Variants in ZNF827 observed in about 807,000 individuals in gnomAD.
ZNF827 encodes the protein zinc finger protein 827.
A neutral mutation model predicts 102.4 loss-of-function variants in ZNF827; 13 were observed. The ratio of observed to expected loss-of-function variants is 0.13; its 90% confidence interval spans 0.08 to 0.20. The LOEUF is 0.20. ZNF827 is among the 10% of genes least tolerant of loss of function. The pLI is 1.00. For synonymous variants in ZNF827, 523 were observed against 536.2 expected (o/e 0.98, Z 0.34); for missense variants, 1,103 against 1,344.4 (o/e 0.82, Z 2.81).
intron 4 of ZNF827, among the ~76,000 whole-genome samples, chr4:145,882,884 G>A (rs917516090): frequency 1.3e-5 from 2 of 152,100 alleles, no homozygotes; most frequent in East Asian, 1.9e-4. Flanking sequence ...GACAAGGCCC[G>A]AGACTAGCCA....
chr4:145,826,650 C>T (rs894906014), intron 7 of ZNF827, among the ~76,000 whole-genome samples: 1 of 152,224 alleles, frequency 6.6e-6, no homozygotes, highest in Admixed American at 6.5e-5. Context: ...CTTACTATGC[C>T]TAATTTATAA....
At chr4:145,830,038 A>G (rs1356755871) in intron 7 of ZNF827, among the ~76,000 whole-genome samples, 1 of 152,216 alleles carries the variant, frequency 6.6e-6, no homozygotes, top group African/African-American at 2.4e-5. Flanking sequence ...CAGGCAACAG[A>G]TGAAAGTTAT....
chr4:145,842,963 T>A (rs1048352537), intron 7 of ZNF827, among the ~76,000 whole-genome samples: 4 of 152,180 alleles, frequency 2.6e-5, no homozygotes, highest in Non-Finnish European at 5.9e-5. Flanking sequence ...CTTTTTGAAA[T>A]GTATTACAAA....
chr4:145,837,760 CCTT>C (rs1745001565), intron 7 of ZNF827, among the ~76,000 whole-genome samples: 1 of 152,152 alleles, frequency 6.6e-6, no homozygotes, highest in African/African-American at 2.4e-5. Context: ...CTGTTTTTCT[CCTT>C]CTGTTATTCC....
intron 7 of ZNF827, among the ~76,000 whole-genome samples, chr4:145,826,019 G>GT (rs1158954489): frequency 2.6e-5 from 4 of 152,344 alleles, no homozygotes; most frequent in Non-Finnish European, 4.4e-5. Flanking sequence ...TAAGGCTGGT[G>GT]TAAGTCTTAG....
Position 145,765,796 on chromosome 4 carries a change from G to A in ZNF827, c.2861-58C>T. The A allele has an allele frequency of 2.6e-6, 4 of 1,537,142 alleles. No homozygotes were observed. The South Asian group carries it at 3.7e-5, about 14-fold the overall frequency. On this transcript the variant is annotated intron_variant, in intron 11 of 14. Transcript: ENST00000508784. The surrounding 1 kb of genome is among the most constrained non-coding windows in gnomAD (Gnocchi z 4.7). ...TGAGATGAAAATCCTCAGAATTATAGCAACTGAGGGTGACGAGTTGAGTCT... is the reference window on the plus strand; with the variant it reads ...TGAGATGAAAATCCTCAGAATTATAACAACTGAGGGTGACGAGTTGAGTCT...
At chr4:145,928,382 G>A (rs1362622282) in intron 1 of ZNF827, among the ~76,000 whole-genome samples, 1 of 152,216 alleles carries the variant, frequency 6.6e-6, no homozygotes, top group African/African-American at 2.4e-5. Context: ...ATCTGGTTGA[G>A]AACCACTGGG....
intron 1 of ZNF827, among the ~76,000 whole-genome samples, chr4:145,911,383 CAT>C (rs1275019579): frequency 6.6e-6 from 1 of 152,128 alleles, no homozygotes; most frequent in Non-Finnish European, 1.5e-5. Context: ...TTTGGAGAAA[CAT>C]GTACCGTGTT....
Position 145,928,409 on chromosome 4 carries a change from A to G in ZNF827, c.43+9956T>C, listed in dbSNP as rs201524030. On this transcript the variant is annotated intron_variant, in intron 1 of 14. Transcript: ENST00000508784. ...ACCACTGGGTTGGCTGATGGTGATC[A>G]GAAACTGACGGACAGCAATAGTTTT... Among the ~76,000 whole-genome samples, 13 of 152,372 alleles carry G rather than the reference A, an allele frequency of 8.5e-5. No individual in the cohort carries two copies. The East Asian group carries it at 2.3e-3, about 27-fold the overall frequency.
At chr4:145,843,416 AT>A (rs1353876444) in intron 7 of ZNF827, among the ~76,000 whole-genome samples, 1 of 152,158 alleles carries the variant, frequency 6.6e-6, no homozygotes, top group African/African-American at 2.4e-5. Context: ...GGATTGCATC[AT>A]TTTTGCCAAA....
chr4:145,802,588 G>A (rs1741017819), intron 8 of ZNF827, among the ~76,000 whole-genome samples: 1 of 152,226 alleles, frequency 6.6e-6, no homozygotes, highest in South Asian at 2.1e-4. Context: ...CTAGCCCAGT[G>A]ATGTTCAAAT....
intron 7 of ZNF827, among the ~76,000 whole-genome samples, chr4:145,840,881 A>G (rs577813790): frequency 4.6e-5 from 7 of 152,238 alleles, no homozygotes; most frequent in Non-Finnish European, 7.3e-5. Context: ...AGTAAACACT[A>G]TGTGCCATTA....
chr4:145,890,671 A>G (rs1441962610), intron 3 of ZNF827, among the ~76,000 whole-genome samples: 1 of 152,224 alleles, frequency 6.6e-6, no homozygotes, highest in Non-Finnish European at 1.5e-5. Context: ...TTTCATTTTA[A>G]AGGCATTTCT....
intron 8 of ZNF827, among the ~76,000 whole-genome samples, chr4:145,816,932 T>G (rs1352624668): frequency 3.3e-5 from 5 of 152,204 alleles, no homozygotes; most frequent in Non-Finnish European, 5.9e-5. Context: ...AAAACTGTTG[T>G]CATCATTATC....
intron 5 of ZNF827, among the ~76,000 whole-genome samples, chr4:145,867,903 A>C (rs1748345333): frequency 6.6e-6 from 1 of 152,234 alleles, no homozygotes; most frequent in African/African-American, 2.4e-5. Context: ...AGAAGTGATC[A>C]TGGCAAAGGG....
rs547907626 is a variant in ZNF827, at chr4:145,860,181, C to G, written c.1981+10064G>C. Among the ~76,000 whole-genome samples the G allele has an allele frequency of 3.9e-5, 6 of 152,280 alleles. No homozygotes were observed. In the South Asian group the frequency reaches 1.2e-3, roughly 32 times the overall value. On this transcript the variant is annotated intron_variant, in intron 5 of 14. Coordinates refer to ENST00000508784, the MANE Select transcript of ZNF827 (RefSeq NM_001306215.2). The stretch of plus-strand genomic sequence containing the variant: ...TTGAATGTGCAGAGGCAAGAGATCC[C>G]ACTCATATAATCAGGTCCACAAATC...
rs146209414 is a variant in ZNF827, at chr4:145,843,262, A to C, written c.2279+2694T>G. On this transcript the variant is annotated intron_variant, in intron 7 of 14. Transcript: ENST00000508784. ...ACCACACCGAGGACTTTGTAGAACT[A>C]TAAGCCAAGAATTCTTTAACACTGA... Among the ~76,000 whole-genome samples, 5 of 151,276 alleles carry C rather than the reference A, an allele frequency of 3.3e-5. No individual in the cohort carries two copies. The East Asian group carries it at 7.7e-4, about 23-fold the overall frequency.
intron 8 of ZNF827, among the ~76,000 whole-genome samples, chr4:145,803,841 C>T (rs1001113237): frequency 1.3e-5 from 2 of 152,188 alleles, no homozygotes; most frequent in Non-Finnish European, 2.9e-5. Flanking sequence ...GTGCTAACCA[C>T]ACCAGATCCT....
chr4:145,832,301 CCACA>C (rs58517710), intron 7 of ZNF827: 34,802 of 147,740 alleles, frequency 0.24, 4,267 homozygotes, highest in Non-Finnish European at 0.28. Flanking sequence ...CAAAACAAAA[CCACA>C]CACACACACA....
Sources: gnomAD v4.1 joint callset for allele counts (sites outside exome capture counted in the v4.1 genomes callset) on GRCh38, gnomAD v4.1.1 for gene constraint, Gnocchi (gnomAD v3.1) non-coding constraint, MANE v1.5 for transcripts, NCBI Gene and HGNC (gene_info 2026-07-23, HGNC 2026-07-21) for gene names.